The following ACTR3C variants were observed in gnomAD, a reference collection of about 807,000 sequenced individuals.
ACTR3C encodes the protein actin-related protein 3C.
A neutral mutation model predicts 26.3 loss-of-function variants in ACTR3C; 18 were observed. The ratio of observed to expected loss-of-function variants is 0.68; its 90% CI spans 0.47 to 1.01. The LOEUF (loss-of-function observed/expected upper bound fraction) is 1.01, where lower values mean the gene tolerates loss of function less well. Among genes scored for constraint, ACTR3C ranks in the 50% least tolerant of loss-of-function variants. The pLI is 0.00. For synonymous variants in ACTR3C, 55 were observed against 94.5 expected (o/e 0.58, Z 2.42); for missense variants, 184 against 250.7 (o/e 0.73, Z 1.80).
chr7:149,963,139 C>T, the ACTR3C span, among the ~76,000 whole-genome samples: 1 of 152,198 alleles, frequency 6.6e-6, no homozygotes, highest in Non-Finnish European at 1.5e-5. Context: ...TCTCTGCCTC[C>T]CTGGGATGAC....
chr7:150,200,207 T>A, the ACTR3C span, among the ~76,000 whole-genome samples: 1 of 152,232 alleles, frequency 6.6e-6, no homozygotes, highest in Non-Finnish European at 1.5e-5. Context: ...TCCTTTTCAC[T>A]ATTTACTATT....
At chr7:150,208,053 C>T in the ACTR3C span, among the ~76,000 whole-genome samples, 6 of 152,212 alleles carry the variant, frequency 3.9e-5, no homozygotes, top group South Asian at 1.0e-3. Flanking sequence ...CAACATATTT[C>T]GAGACACTGG....
In ACTR3C at chr7:150,282,445, C is replaced by T. The variant is rs533268746; in HGVS notation, c.564+2308G>A. 1.3e-3 allele frequency among the ~76,000 whole-genome samples: 199 copies of T among 150,702 alleles called. 1 individual carries two copies. Among genetic ancestry groups the T allele is most frequent in the African/African-American group, 4.5e-3 (184 of 40,576 alleles). On this transcript the variant is annotated intron_variant, in intron 6 of 7. Coordinates refer to ENST00000683684, the MANE Select transcript of ACTR3C (RefSeq NM_001164458.2). ...CCTTTGTGTCTCTCCTTTCCCACAA[C>T]GGGGTATAGAGTTCAGCTATGTGAC...
chr7:150,158,083 A>G, the ACTR3C span, among the ~76,000 whole-genome samples: 2 of 152,190 alleles, frequency 1.3e-5, no homozygotes, highest in Non-Finnish European at 2.9e-5. Flanking sequence ...CAACAGGTGT[A>G]TATTAAGGTG....
the ACTR3C span, among the ~76,000 whole-genome samples, chr7:150,014,316 C>T: frequency 6.6e-6 from 1 of 151,852 alleles, no homozygotes; most frequent in Admixed American, 6.6e-5. Flanking sequence ...ATTAGCTGGG[C>T]ATGGTGGCGG....
chr7:149,888,617 C>T, the ACTR3C span, among the ~76,000 whole-genome samples: 4 of 152,230 alleles, frequency 2.6e-5, no homozygotes, highest in South Asian at 8.3e-4. Context: ...CTACAAGTTC[C>T]CCTAATCCTA....
intron 6 of ACTR3C, among the ~76,000 whole-genome samples, chr7:150,280,734 T>G (rs1835248551): frequency 6.6e-6 from 1 of 152,082 alleles, no homozygotes. Context: ...CATTCCACGA[T>G]GTACATACCT....
the ACTR3C span, among the ~76,000 whole-genome samples, chr7:150,202,021 A>G: frequency 6.6e-6 from 1 of 151,810 alleles, no homozygotes; most frequent in Non-Finnish European, 1.5e-5. Flanking sequence ...TTCACCCCCG[A>G]CCTCCTTCTT....
the ACTR3C span, among the ~76,000 whole-genome samples, chr7:149,919,853 C>CA: frequency 7.2e-6 from 1 of 138,092 alleles, no homozygotes; most frequent in Admixed American, 7.2e-5. Flanking sequence ...TTATCAATTT[C>CA]AAAAAAATGA....
At chr7:150,031,301 T>C in the ACTR3C span, among the ~76,000 whole-genome samples, 1 of 149,824 alleles carries the variant, frequency 6.7e-6, no homozygotes, top group Non-Finnish European at 1.5e-5. Context: ...AATCTGAACC[T>C]AGCCGTGGCT....
the ACTR3C span, among the ~76,000 whole-genome samples, chr7:150,035,022 G>C: frequency 6.2e-5 from 9 of 144,428 alleles, 1 homozygote; most frequent in East Asian, 2.1e-4. Flanking sequence ...GAGCCAGGGG[G>C]GGAAGAGGGA....
chr7:150,285,439 T>C (rs1294359384), intron 5 of ACTR3C, among the ~76,000 whole-genome samples: 2 of 152,218 alleles, frequency 1.3e-5, no homozygotes, highest in Admixed American at 6.5e-5. Context: ...TACATTTCAT[T>C]TGAAATATTT....
chr7:150,209,206 CAGAGAGAG>C, the ACTR3C span, among the ~76,000 whole-genome samples: 5 of 136,182 alleles, frequency 3.7e-5, no homozygotes, highest in Non-Finnish European at 7.6e-5. Flanking sequence ...CACACACATA[CAGAGAGAG>C]AGAGAGAGAG....
At chr7:150,240,016 A>G (rs1008976843), downstream of ACTR3C, among the ~76,000 whole-genome samples, 1 of 152,116 alleles carries the variant, frequency 6.6e-6, no homozygotes, top group Non-Finnish European at 1.5e-5. Context: ...CAGCCTCCCA[A>G]AGTGTTGGGA....
At chr7:149,936,369 T>TCCAGATAACC in the ACTR3C span, among the ~76,000 whole-genome samples, 1 of 152,188 alleles carries the variant, frequency 6.6e-6, no homozygotes, top group Non-Finnish European at 1.5e-5. Context: ...CCATGTGTCC[T>TCCAGATAACC]CCAGATAACC....
At chr7:150,041,035 CCA>C in the ACTR3C span, among the ~76,000 whole-genome samples, 1 of 150,626 alleles carries the variant, frequency 6.6e-6, no homozygotes. Flanking sequence ...AGCCAGGGCC[CCA>C]CAGTTTGGGT....
the ACTR3C span, among the ~76,000 whole-genome samples, chr7:150,216,796 G>C: frequency 4.2e-4 from 64 of 151,420 alleles, 1 homozygote; most frequent in Admixed American, 4.2e-3. Context: ...AGACCAGCCT[G>C]ACCAACATGG....
the ACTR3C span, chr7:150,047,872 C>T: frequency 1.4e-6 from 2 of 1,473,688 alleles, no homozygotes; most frequent in Non-Finnish European, 1.8e-6. Flanking sequence ...CGCGCTCCTG[C>T]TGGCTGTCTT....
chr7:150,202,356 TAC>T, the ACTR3C span, among the ~76,000 whole-genome samples: 3 of 152,252 alleles, frequency 2.0e-5, no homozygotes, highest in African/African-American at 7.2e-5. Context: ...TTTATAATGA[TAC>T]AGATTGTAGC....
Sources: allele counts gnomAD v4.1 joint callset (sites outside exome capture counted in the v4.1 genomes callset), GRCh38; gene constraint gnomAD v4.1.1; transcripts MANE v1.5; gene names NCBI Gene and HGNC (gene_info 2026-07-23, HGNC 2026-07-21).